Variants in CFH observed in about 807,000 individuals in gnomAD.
The protein encoded by CFH is H factor 1 (complement).
A neutral mutation model predicts 147.3 loss-of-function variants in CFH; 53 were observed. That is an observed-to-expected ratio of 0.36 (90% CI 0.29 to 0.45). The LOEUF (loss-of-function observed/expected upper bound fraction) is 0.45, where lower values mean the gene tolerates loss of function less well. CFH is among the 20% of genes least tolerant of loss of function. CFH has a pLI of 1.00. For synonymous variants in CFH, 536 were observed against 489.4 expected (o/e 1.10, Z -1.26); for missense variants, 1,380 against 1,498.0 (o/e 0.92, Z 1.30).
intron 20 of CFH, among the ~76,000 whole-genome samples, chr1:196,744,175 A>ATTT (rs34347090): frequency 3.4e-4 from 51 of 149,828 alleles, no homozygotes; most frequent in African/African-American, 1.1e-3. Flanking sequence ...GTTTTTCTGT[A>ATTT]TTTTTTTTTT....
intron 1 of CFH, among the ~76,000 whole-genome samples, chr1:196,658,966 G>A (rs1237675513): frequency 6.6e-6 from 1 of 152,190 alleles, no homozygotes; most frequent in Admixed American, 6.5e-5. Flanking sequence ...TAAATGACTT[G>A]TAAACGTAAG....
Position 196,743,400 on chromosome 1 carries a change from T to C in CFH, c.3134-52T>C. ...ATATTTGTAACTGTTATCAGTTGAT[T>C]TGCTACTCAAAATGAACACTAGGTG... On this transcript the variant is annotated intron_variant, in intron 19 of 21. Coordinates refer to ENST00000367429, the MANE Select transcript of CFH (RefSeq NM_000186.4). 1.9e-6 allele frequency: 3 copies of C among 1,606,508 alleles called. No individual in the cohort carries two copies. In the South Asian group the frequency reaches 3.3e-5, roughly 18 times the overall value.
intron 9 of CFH, among the ~76,000 whole-genome samples, chr1:196,705,174 T>C (rs1402558991): frequency 6.6e-6 from 1 of 150,502 alleles, no homozygotes; most frequent in African/African-American, 2.5e-5. Flanking sequence ...TATGGCAAAT[T>C]GACCAGAATA....
chr1:196,697,189 A>G (rs1301995536), intron 9 of CFH, among the ~76,000 whole-genome samples: 4 of 152,218 alleles, frequency 2.6e-5, no homozygotes, highest in Non-Finnish European at 5.9e-5. Flanking sequence ...TCTGCACAGC[A>G]AAAGAAACTA....
chr1:196,701,929 C>T (rs1259387177), intron 9 of CFH, among the ~76,000 whole-genome samples: 3 of 152,112 alleles, frequency 2.0e-5, no homozygotes, highest in African/African-American at 4.8e-5. Context: ...GTGGCCACTG[C>T]ATGGTTCTCA....
intron 20 of CFH, among the ~76,000 whole-genome samples, chr1:196,744,866 T>A (rs1652945734): frequency 6.6e-6 from 1 of 152,184 alleles, no homozygotes. Flanking sequence ...AGTTAATCTT[T>A]AGGCATAGGT....
chr1:196,728,607 C>G lies in CFH; in HGVS notation c.2413+85C>G, dbSNP rs1558179946. On this transcript the variant is annotated intron_variant, in intron 15 of 21. Transcript: ENST00000367429. ...TATGTGTGTCTTTTAAAAACTTTAG[C>G]TATTTATTATTACAAATGCTACTGA... The G allele has an allele frequency of 9.0e-6, 12 of 1,336,766 alleles. No individual in the cohort carries two copies. The South Asian group carries it at 1.5e-4, about 16-fold the overall frequency. 82.8% of individuals were successfully genotyped at this position (1,336,766 alleles called of 1,614,324 possible). A position where few individuals can be genotyped will look rare whatever the true frequency, so the allele number is the denominator to read the frequency against.
intron 1 of CFH, among the ~76,000 whole-genome samples, chr1:196,667,842 T>C (rs1667150283): frequency 6.6e-6 from 1 of 152,174 alleles, no homozygotes; most frequent in Non-Finnish European, 1.5e-5. Flanking sequence ...CTCAATATTA[T>C]TGGTTTAGTG....
chr1:196,659,299 A>C (rs932388869), intron 1 of CFH, among the ~76,000 whole-genome samples: 1 of 152,180 alleles, frequency 6.6e-6, no homozygotes, highest in South Asian at 2.1e-4. Context: ...TATTATTAGA[A>C]CTCAGTGCAG....
At chr1:196,663,649 C>T (rs1031102944) in intron 1 of CFH, among the ~76,000 whole-genome samples, 2 of 152,056 alleles carry the variant, frequency 1.3e-5, no homozygotes, top group African/African-American at 4.8e-5. Context: ...AGAAAAAAAT[C>T]TTCCTCATAT....
intron 15 of CFH, among the ~76,000 whole-genome samples, chr1:196,733,606 A>G (rs1669332114): frequency 6.6e-6 from 1 of 152,140 alleles, no homozygotes; most frequent in Middle Eastern, 3.4e-3. Flanking sequence ...ACCCATATAA[A>G]ACGCCATTTC....
intron 1 of CFH, among the ~76,000 whole-genome samples, chr1:196,656,505 A>G (rs1368013201): frequency 6.6e-6 from 1 of 152,038 alleles, no homozygotes; most frequent in African/African-American, 2.4e-5. Context: ...GTCTTCTCTT[A>G]TATTTTCTAG....
At chr1:196,663,850 A>AT (rs933951708) in intron 1 of CFH, among the ~76,000 whole-genome samples, 1 of 152,024 alleles carries the variant, frequency 6.6e-6, no homozygotes, top group African/African-American at 2.4e-5. Context: ...CCAACTTTGA[A>AT]TTTTGTTGCT....
intron 9 of CFH, among the ~76,000 whole-genome samples, chr1:196,693,041 C>T (rs531568290): frequency 6.6e-6 from 1 of 151,786 alleles, no homozygotes; most frequent in African/African-American, 2.4e-5. Flanking sequence ...AGCTACTTTA[C>T]GGTTGTCATA....
intron 1 of CFH, among the ~76,000 whole-genome samples, chr1:196,655,864 G>A (rs1666668377): frequency 6.6e-6 from 1 of 151,970 alleles, no homozygotes; most frequent in Non-Finnish European, 1.5e-5. Flanking sequence ...ATAGCTCAGA[G>A]GAAATAAAGT....
chr1:196,736,834 A>G lies in CFH; in HGVS notation c.2424A>G (p.Ile808Met), dbSNP rs752302466. 38 of 1,429,608 alleles carry G rather than the reference A, an allele frequency of 2.7e-5. No homozygotes were observed. In the Admixed American group the frequency reaches 7.5e-4, roughly 28 times the overall value. 88.6% of individuals were successfully genotyped at this position (1,429,608 alleles called of 1,614,324 possible). A position where few individuals can be genotyped will look rare whatever the true frequency, so the allele number is the denominator to read the frequency against. ...DPEVNCSMAQ[I>M]QLCPPPPQIP... ...TTTAATATTTTTTAGTGGCACAAAT[A>G]CAATTATGCCCACCTCCACCTCAGA... The change falls in exon 16 of 22, where the codon ATA (isoleucine) becomes ATG (methionine). Residue 808 changes from isoleucine (I) to methionine (M), a missense_variant. Transcript: ENST00000367429.
intron 21 of CFH, 146 bp downstream of exon 21, chr1:196,746,145 T>G (rs1450770318): frequency 1.3e-6 from 2 of 1,490,340 alleles, no homozygotes; most frequent in Non-Finnish European, 1.8e-6. Context: ...AAGTAAAGTT[T>G]AGAAATTTTT....
rs991458060 is a variant in CFH, at chr1:196,737,531, A to C, written c.2653A>C (p.Arg885=). 3 of 1,613,258 alleles carry C rather than the reference A, an allele frequency of 1.9e-6. No homozygotes were observed. Among genetic ancestry groups the C allele is most frequent in the Middle Eastern group, 1.6e-4 (1 of 6,078 alleles). ...AGAACACGGAACCATTAATTCATCC[A>C]GGTCTTCACAAGAAAGTTATGCACA... ...QIEHGTINSS[R]SSQESYAHGT... The change falls in exon 17 of 22, where the codon AGG becomes CGG. Residue 885 remains arginine (R), a synonymous_variant. Coordinates refer to ENST00000367429, the MANE Select transcript of CFH (RefSeq NM_000186.4).
intron 11 of CFH, among the ~76,000 whole-genome samples, chr1:196,720,842 A>C (rs1668980802): frequency 6.6e-6 from 1 of 151,930 alleles, no homozygotes; most frequent in Non-Finnish European, 1.5e-5. Context: ...TGCTGGGTGA[A>C]ATGGTAGTTC....
Sources: allele counts gnomAD v4.1 joint callset (sites outside exome capture counted in the v4.1 genomes callset), GRCh38; gene constraint gnomAD v4.1.1; transcripts MANE v1.5; gene names NCBI Gene and HGNC (gene_info 2026-07-23, HGNC 2026-07-21).